Variants in HTR2C observed in about 807,000 individuals in gnomAD.
HTR2C encodes the protein 5-hydroxytryptamine receptor 2C.
Under a neutral mutation model 21.0 loss-of-function variants are expected in HTR2C, and 5 were observed. The ratio of observed to expected loss-of-function variants is 0.24; its 90% CI spans 0.12 to 0.50. The LOEUF (loss-of-function observed/expected upper bound fraction) is 0.50. HTR2C is among the 20% of genes least tolerant of loss of function. The pLI, the probability that HTR2C is intolerant of heterozygous loss-of-function variation, is 0.98. For synonymous variants in HTR2C, 150 were observed against 145.3 expected, an observed-to-expected ratio of 1.03 and a Z score of -0.23; for missense variants, 271 against 371.2, an observed-to-expected ratio of 0.73 and a Z score of 2.22.
chrX:114,865,612 G>A (rs1452851297), intron 5 of HTR2C, among the ~76,000 whole-genome samples: 1 of 110,738 alleles, frequency 9.0e-6, no homozygotes, highest in African/African-American at 3.3e-5. Flanking sequence ...GTTTTAATTT[G>A]CATTTTCCCA....
chrX:114,588,002 A>T (rs1350590525), intron 1 of HTR2C, among the ~76,000 whole-genome samples: 1 of 112,429 alleles, frequency 8.9e-6, no homozygotes, highest in African/African-American at 3.2e-5. Flanking sequence ...CACAAGATGG[A>T]ATTTTAATTC....
intron 4 of HTR2C, among the ~76,000 whole-genome samples, chrX:114,780,799 G>C (rs2070109346): frequency 2.7e-5 from 3 of 111,873 alleles, no homozygotes. Context: ...TTTCCAAAGA[G>C]AATAAGTAGC....
intron 5 of HTR2C, among the ~76,000 whole-genome samples, chrX:114,858,696 G>C (rs2070982951): frequency 9.1e-6 from 1 of 109,998 alleles, no homozygotes; most frequent in Non-Finnish European, 1.9e-5. Flanking sequence ...GTTCTTGCTT[G>C]ATTGCACTGG....
At chrX:114,639,112 T>G in intron 2 of HTR2C, among the ~76,000 whole-genome samples, 1 of 112,062 alleles carries the variant, frequency 8.9e-6, no homozygotes, top group Admixed American at 9.5e-5. Context: ...ATGAATATTT[T>G]ACTTGGCACA....
At chrX:114,846,489 G>A (rs1167694062) in intron 4 of HTR2C, among the ~76,000 whole-genome samples, 1 of 111,794 alleles carries the variant, frequency 8.9e-6, no homozygotes, top group Non-Finnish European at 1.9e-5. Flanking sequence ...TCTCAGGGAT[G>A]CAAGAGGGAT....
chrX:114,670,324 G>A (rs1426265452), intron 2 of HTR2C, among the ~76,000 whole-genome samples: 5 of 107,360 alleles, frequency 4.7e-5, no homozygotes, highest in Non-Finnish European at 9.6e-5. Flanking sequence ...GAACGTGGGA[G>A]GCAGAGGTTG....
intron 1 of HTR2C, among the ~76,000 whole-genome samples, chrX:114,585,597 G>A (rs1219183462): frequency 9.0e-6 from 1 of 110,877 alleles, no homozygotes; most frequent in Non-Finnish European, 1.9e-5. Context: ...TCTTTTCTGC[G>A]CCATGCCCTT....
intron 4 of HTR2C, among the ~76,000 whole-genome samples, chrX:114,773,788 T>C (rs2070028703): frequency 8.9e-6 from 1 of 112,285 alleles, no homozygotes; most frequent in African/African-American, 3.2e-5. Flanking sequence ...CAAAATGCCT[T>C]TCACTTTGTG....
chrX:114,585,750 G>A (rs1372971724), intron 1 of HTR2C, among the ~76,000 whole-genome samples: 1 of 111,091 alleles, frequency 9.0e-6, no homozygotes, highest in Non-Finnish European at 1.9e-5. Flanking sequence ...ATTTGGTCTG[G>A]AATCACTGCC....
At chrX:114,828,839 G>C (rs1398749071) in intron 4 of HTR2C, among the ~76,000 whole-genome samples, 1 of 111,974 alleles carries the variant, frequency 8.9e-6, no homozygotes, top group Non-Finnish European at 1.9e-5. Context: ...GTGATCTTTT[G>C]CATCTGGCTT....
chrX:114,811,694 T>A (rs1390020915), intron 4 of HTR2C, among the ~76,000 whole-genome samples: 1 of 112,440 alleles, frequency 8.9e-6, no homozygotes, highest in East Asian at 2.8e-4. Context: ...TGTGTGAGTG[T>A]GTATCTAAAT....
chrX:114,817,495 A>G (rs1021580602), intron 4 of HTR2C, among the ~76,000 whole-genome samples: 11 of 112,212 alleles, frequency 9.8e-5, no homozygotes, highest in Non-Finnish European at 1.9e-4. Context: ...GGACTTTGAA[A>G]ATTAACTAAA....
At chrX:114,644,396 TATA>T (rs1930279148) in intron 2 of HTR2C, among the ~76,000 whole-genome samples, 1 of 83,500 alleles carries the variant, frequency 1.2e-5, no homozygotes, top group Admixed American at 1.4e-4. Flanking sequence ...TATATATATA[TATA>T]TATATATATT....
chrX:114,698,921 C>T (rs1187443910), intron 2 of HTR2C, among the ~76,000 whole-genome samples: 1 of 111,214 alleles, frequency 9.0e-6, no homozygotes, highest in Admixed American at 9.6e-5. Context: ...TAAAACCCAC[C>T]ACAATGTTCA....
At chrX:114,782,393 C>T (rs1460483171) in intron 4 of HTR2C, among the ~76,000 whole-genome samples, 1 of 111,067 alleles carries the variant, frequency 9.0e-6, no homozygotes, top group Non-Finnish European at 1.9e-5. Flanking sequence ...GTGAATAATT[C>T]TAATGAAATA....
chrX:114,822,619 C>G lies in HTR2C; in HGVS notation c.350-25384C>G, dbSNP rs191993005. On this transcript the variant is annotated intron_variant, in intron 4 of 5. Coordinates refer to ENST00000276198, the MANE Select transcript of HTR2C (RefSeq NM_000868.4). ...GCACTCATAGGTAAAGTTTTGAGAT[C>G]AGCTTGAAAGGAGGTAGCTCAATTG... Among the ~76,000 whole-genome samples the G allele has an allele frequency of 6.6e-3, 741 of 112,175 alleles. 1 individual carries two copies. The highest frequency in any genetic ancestry group is 0.011 in the Non-Finnish European group (570 of 53,222).
chrX:114,641,609 C>G (rs781817743), intron 2 of HTR2C, among the ~76,000 whole-genome samples: 1 of 111,965 alleles, frequency 8.9e-6, no homozygotes, highest in Non-Finnish European at 1.9e-5. Flanking sequence ...TTTCTTTCAA[C>G]ACTTGCTTTC....
chrX:114,902,051 A>G (rs2071340957), intron 5 of HTR2C, among the ~76,000 whole-genome samples: 1 of 111,635 alleles, frequency 9.0e-6, no homozygotes, highest in South Asian at 3.7e-4. Context: ...AGGAATTTCA[A>G]AAATATTGAA....
intron 4 of HTR2C, among the ~76,000 whole-genome samples, chrX:114,788,380 C>T (rs2070199020): frequency 9.0e-6 from 1 of 110,583 alleles, no homozygotes. Context: ...CCTGCCTCAG[C>T]CTCCCAGGTA....
Sources: allele counts gnomAD v4.1 joint callset (sites outside exome capture counted in the v4.1 genomes callset), GRCh38; gene constraint gnomAD v4.1.1; transcripts MANE v1.5; gene names NCBI Gene and HGNC (gene_info 2026-07-23, HGNC 2026-07-21).